Variants in TRAT1 observed in about 807,000 individuals in gnomAD.
The protein encoded by TRAT1 is T-cell receptor-associated transmembrane adapter 1.
A neutral mutation model predicts 20.0 loss-of-function variants in TRAT1; 20 were observed. The ratio of observed to expected loss-of-function variants is 1.00; its 90% CI spans 0.70 to 1.45. The LOEUF (loss-of-function observed/expected upper bound fraction) is 1.45, where lower values mean the gene tolerates loss of function less well. Ranked by LOEUF, TRAT1 falls within the 40% of genes most tolerant of loss-of-function variation. TRAT1 has a pLI of 0.00. For missense variants in TRAT1, 237 were observed against 224.1 expected, an observed-to-expected ratio of 1.06 and a Z score of -0.37; for synonymous variants, 77 against 74.2, an observed-to-expected ratio of 1.04 and a Z score of -0.20.
chr3:108,834,255 C>T (rs572217775), intron 2 of TRAT1, among the ~76,000 whole-genome samples: 4 of 152,304 alleles, frequency 2.6e-5, no homozygotes, highest in African/African-American at 9.6e-5. Context: ...AATGTACCCT[C>T]ATTAGGTGGA....
Position 108,829,940 on chromosome 3 carries a change from T to C in TRAT1, c.8-730T>C, listed in dbSNP as rs577161629. 5.9e-5 allele frequency among the ~76,000 whole-genome samples: 9 copies of C among 152,266 alleles called. No homozygotes were observed. In the South Asian group the frequency reaches 1.2e-3, roughly 21 times the overall value. On this transcript the variant is annotated intron_variant, in intron 1 of 5. Transcript: ENST00000295756. ...CTTATAAAAAAAGTTAACTGTAAAATAGCCTCAGGTAGGTCCTTCAGGAGT... is the reference window on the plus strand; with the variant it reads ...CTTATAAAAAAAGTTAACTGTAAAACAGCCTCAGGTAGGTCCTTCAGGAGT...
At chr3:108,848,650 T>C (rs895809336) in intron 4 of TRAT1, among the ~76,000 whole-genome samples, 4 of 152,208 alleles carry the variant, frequency 2.6e-5, no homozygotes, top group Non-Finnish European at 5.9e-5. Flanking sequence ...CCGTCACTGA[T>C]TGATGGGACA....
intron 3 of TRAT1, among the ~76,000 whole-genome samples, chr3:108,840,885 T>C (rs1945890966): frequency 6.6e-6 from 1 of 152,212 alleles, no homozygotes; most frequent in Non-Finnish European, 1.5e-5. Context: ...CTGTCCAAGG[T>C]GGATGGAAAC....
chr3:108,841,768 TAC>T (rs1945898732), intron 3 of TRAT1, among the ~76,000 whole-genome samples: 1 of 152,134 alleles, frequency 6.6e-6, no homozygotes, highest in East Asian at 1.9e-4. Context: ...GAAAATCAAA[TAC>T]ACACTTTCTG....
intron 1 of TRAT1, among the ~76,000 whole-genome samples, chr3:108,829,727 T>C (rs1945775260): frequency 6.6e-6 from 1 of 152,142 alleles, no homozygotes; most frequent in African/African-American, 2.4e-5. Flanking sequence ...GATGTCATAG[T>C]GCAATGCATT....
chr3:108,853,190 A>G (rs1334017552), intron 5 of TRAT1, among the ~76,000 whole-genome samples: 1 of 152,206 alleles, frequency 6.6e-6, no homozygotes, highest in African/African-American at 2.4e-5. Context: ...TAAATGACCA[A>G]TTGTTAGGTA....
intron 4 of TRAT1, 70 bp from the exon 5 acceptor site, chr3:108,849,096 T>C: frequency 7.8e-7 from 1 of 1,274,994 alleles, no homozygotes; most frequent in Non-Finnish European, 1.1e-6. Context: ...GTTGTTTGGA[T>C]CATGTATTTT....
intron 2 of TRAT1, among the ~76,000 whole-genome samples, chr3:108,837,808 A>G (rs1214155660): frequency 1.3e-5 from 2 of 152,198 alleles, no homozygotes; most frequent in African/African-American, 4.8e-5. Context: ...TTACTGATGA[A>G]TGGATAATAC....
intron 5 of TRAT1, among the ~76,000 whole-genome samples, chr3:108,850,652 T>C (rs1191786958): frequency 6.6e-6 from 1 of 152,130 alleles, no homozygotes. Context: ...TTGGGAAAAA[T>C]ATGCTCACCA....
rs1189793359 is a variant in TRAT1, at chr3:108,853,888, A to G, written c.*11A>G. Reference sequence around the variant, plus strand: ...GAACCTATAAACTAGCTGGACCATGATCTAGTTCAATGATTTGGCTCCTAT... The same window carrying G: ...GAACCTATAAACTAGCTGGACCATGGTCTAGTTCAATGATTTGGCTCCTAT... On this transcript the variant is annotated 3_prime_UTR_variant, in exon 6 of 6. Transcript: ENST00000295756. 6.2e-7 allele frequency: 1 copy of G among 1,611,822 alleles called. No homozygotes were observed. The highest frequency in any genetic ancestry group is 8.5e-7 in the Non-Finnish European group (1 of 1,178,388).
chr3:108,837,174 T>A (rs143312706), intron 2 of TRAT1, among the ~76,000 whole-genome samples: 2,638 of 152,352 alleles, frequency 0.017, 37 homozygotes, highest in Middle Eastern at 0.027. Context: ...TGTGCACTTG[T>A]ATTCACAAGA....
chr3:108,832,891 A>G (rs576762113), intron 2 of TRAT1, among the ~76,000 whole-genome samples: 1 of 152,314 alleles, frequency 6.6e-6, no homozygotes, highest in South Asian at 2.1e-4. Flanking sequence ...AACATCATCA[A>G]GATCAGGACT....
intron 4 of TRAT1, among the ~76,000 whole-genome samples, chr3:108,848,520 A>T (rs536723814): frequency 6.6e-6 from 1 of 152,196 alleles, no homozygotes; most frequent in Non-Finnish European, 1.5e-5. Flanking sequence ...TTCAAAAGGC[A>T]TGTCCCCATA....
chr3:108,823,035 T>C, intron 1 of TRAT1, 101 bp downstream of exon 1: 1 of 1,032,972 alleles, frequency 9.7e-7, no homozygotes, highest in Non-Finnish European at 1.5e-6. Context: ...AAAGTAGTTA[T>C]TTTAAAAATG....
intron 2 of TRAT1, among the ~76,000 whole-genome samples, chr3:108,836,624 G>T (rs776469248): frequency 6.6e-6 from 1 of 152,038 alleles, no homozygotes; most frequent in Non-Finnish European, 1.5e-5. Context: ...TTTCTGGCTT[G>T]TTATATAATA....
At chr3:108,848,029 A>AT (rs1559825090) in intron 4 of TRAT1, among the ~76,000 whole-genome samples, 1 of 152,166 alleles carries the variant, frequency 6.6e-6, no homozygotes. Flanking sequence ...ATCAAAAATT[A>AT]TTTTTTGGAA....
At chr3:108,846,934 A>C (rs1185749312) in intron 3 of TRAT1, 134 bp from the exon 4 acceptor site, 2 of 627,656 alleles carry the variant, frequency 3.2e-6, no homozygotes, top group Non-Finnish European at 5.7e-6. Flanking sequence ...GCACAAGAAC[A>C]CACCTACCGT....
At chr3:108,839,487 CAAA>C (rs548339526) in intron 3 of TRAT1, among the ~76,000 whole-genome samples, 1 of 150,644 alleles carries the variant, frequency 6.6e-6, no homozygotes, top group East Asian at 1.9e-4. Flanking sequence ...CAAAACAAAA[CAAA>C]AAAAAATTAG....
At position 108,853,664 on chromosome 3, in the gene TRAT1, C is replaced by T. The variant is rs375413309; in HGVS notation, c.348C>T (p.Ser116=). ...TQMCYASLDH[S]VKGKRRKPRK... ...TGTGCTACGCCTCACTTGATCACAGCGTTAAGGGGAAGCGTAGAAAGCCCA... is the reference window on the plus strand; with the variant it reads ...TGTGCTACGCCTCACTTGATCACAGTGTTAAGGGGAAGCGTAGAAAGCCCA... Residue 116 remains serine, a synonymous_variant, in exon 6 of 6, where the codon AGC becomes AGT. Transcript: ENST00000295756. 28 of 1,613,884 alleles carry T rather than the reference C, an allele frequency of 1.7e-5. No individual in the cohort carries two copies. Among genetic ancestry groups the T allele is most frequent in the East Asian group, 4.5e-5 (2 of 44,886 alleles).
Sources: allele counts gnomAD v4.1 joint callset (sites outside exome capture counted in the v4.1 genomes callset), GRCh38; gene constraint gnomAD v4.1.1; transcripts MANE v1.5; gene names NCBI Gene and HGNC (gene_info 2026-07-23, HGNC 2026-07-21).